Variants in PPP6C observed in about 807,000 individuals in gnomAD.
PPP6C encodes protein phosphatase 6 catalytic subunit.
PPP6C carries 11 observed loss-of-function variants against 39.8 expected under a neutral mutation model. The observed-to-expected ratio is 0.28, with a 90% CI of 0.17 to 0.46. PPP6C has a LOEUF of 0.46. Among genes scored for constraint, PPP6C ranks in the 20% least tolerant of loss-of-function variants. The pLI, the probability that PPP6C is intolerant of heterozygous loss-of-function variation, is 1.00. For missense variants in PPP6C, 211 were observed against 373.9 expected, an observed-to-expected ratio of 0.56 and a Z score of 3.59; for synonymous variants, 129 against 130.3, an observed-to-expected ratio of 0.99 and a Z score of 0.07.
intron 3 of PPP6C, among the ~76,000 whole-genome samples, chr9:125,159,049 T>G (rs1436683834): frequency 1.3e-5 from 2 of 150,298 alleles, no homozygotes; most frequent in African/African-American, 4.9e-5. Context: ...TTTTTTTTTT[T>G]TTTTTTTAGA....
chr9:125,173,668 A>C (rs1829229103), intron 1 of PPP6C, among the ~76,000 whole-genome samples: 1 of 151,948 alleles, frequency 6.6e-6, no homozygotes, highest in East Asian at 2.0e-4. Flanking sequence ...GCCAGGCTGG[A>C]GTGCAGTGGC....
intron 6 of PPP6C, among the ~76,000 whole-genome samples, chr9:125,152,552 T>C (rs1264319677): frequency 2.0e-5 from 3 of 152,174 alleles, no homozygotes; most frequent in African/African-American, 7.2e-5. Context: ...TGACGTAGGC[T>C]GGGCGCGGTG....
intron 4 of PPP6C, among the ~76,000 whole-genome samples, chr9:125,156,350 T>C (rs1414813545): frequency 6.6e-6 from 1 of 152,200 alleles, no homozygotes; most frequent in East Asian, 1.9e-4. Flanking sequence ...CTCGGCTCAC[T>C]GCAACCTCCA....
rs1835842834 is a variant in PPP6C, at chr9:125,147,658, TTAAAAA to T, written c.*2009_*2014del. Reference sequence around the variant, plus strand: ...ACAAACAAATGCAGTACACAATGACTTAAAAATAAAAGTCACATTATAGGGATAACA... The same window carrying T: ...ACAAACAAATGCAGTACACAATGACTTAAAAGTCACATTATAGGGATAACA... On this transcript the variant is annotated 3_prime_UTR_variant, in exon 7 of 7. Transcript: ENST00000373547. The T allele has an allele frequency of 6.6e-6, 1 of 152,080 alleles. No homozygotes were observed. Among genetic ancestry groups the T allele is most frequent in the Admixed American group, 6.6e-5 (1 of 15,260 alleles). The allele number at this position is 152,080 out of a possible 1,614,324, so 9.4% of individuals were successfully genotyped here.
chr9:125,175,799 A>G (rs756463743), intron 1 of PPP6C, among the ~76,000 whole-genome samples: 116 of 152,306 alleles, frequency 7.6e-4, no homozygotes, highest in Non-Finnish European at 4.0e-4. Flanking sequence ...AATGCAACAA[A>G]TATTTATGGA....
chr9:125,167,752 C>T (rs1435085031), intron 2 of PPP6C, among the ~76,000 whole-genome samples: 3 of 145,210 alleles, frequency 2.1e-5, no homozygotes, highest in South Asian at 2.2e-4. Context: ...TCAGGCCGGA[C>T]GCAGTGGCTC....
chr9:125,155,777 C>A (rs575227559), intron 4 of PPP6C, among the ~76,000 whole-genome samples: 53 of 151,834 alleles, frequency 3.5e-4, no homozygotes, highest in African/African-American at 1.1e-3. Flanking sequence ...TGGTGGCGGG[C>A]GCCTGTAGTC....
chr9:125,149,968 T>G (rs755068929), intron 6 of PPP6C, 47 bp from the exon 7 acceptor site: 1 of 1,582,554 alleles, frequency 6.3e-7, no homozygotes, highest in Non-Finnish European at 8.6e-7. Flanking sequence ...TAAAAAACAA[T>G]CGGCCTACAT....
intron 1 of PPP6C, among the ~76,000 whole-genome samples, chr9:125,186,938 CTT>C (rs1168730026): frequency 0.013 from 1,061 of 83,636 alleles, 25 homozygotes; most frequent in East Asian, 0.09. Context: ...ATTTTTCTTT[CTT>C]TTTTTTTTTT....
In PPP6C at chr9:125,153,713, A is replaced by G; in HGVS notation, c.489T>C (p.His163=). The part of the protein sequence containing the change: ...ALIDEQILCV[H]GGLSPDIKTL... ...TTTTGATATCAGGAGATAAACCACCATGGACACACAAAATCTGCTCATCTA... is the reference window on the plus strand; with the variant it reads ...TTTTGATATCAGGAGATAAACCACCGTGGACACACAAAATCTGCTCATCTA... The change falls in exon 6 of 7, where the codon CAT becomes CAC. Residue 163 remains histidine, a synonymous_variant. Transcript: ENST00000373547. 1.2e-6 allele frequency: 2 copies of G among 1,614,028 alleles called. No individual in the cohort carries two copies.
At chr9:125,157,559 A>G (rs1836110917) in intron 4 of PPP6C, among the ~76,000 whole-genome samples, 1 of 152,212 alleles carries the variant, frequency 6.6e-6, no homozygotes, top group Admixed American at 6.5e-5. Context: ...AAACACACAC[A>G]CACACATACA....
In PPP6C at chr9:125,171,494, T is replaced by C. The variant is rs557225611; in HGVS notation, c.76-314A>G. Reference sequence around the variant, plus strand: ...ACACACACACATATATATATATATATATATATATATATATATATATATGAA... The same window carrying C: ...ACACACACACATATATATATATATACATATATATATATATATATATATGAA... On this transcript the variant is annotated intron_variant, in intron 1 of 6. Coordinates refer to ENST00000373547, the MANE Select transcript of PPP6C (RefSeq NM_002721.5). 2.5e-3 allele frequency among the ~76,000 whole-genome samples: 244 copies of C among 98,760 alleles called. 3 individuals are homozygous for C. In the Middle Eastern group the frequency reaches 0.045, roughly 18 times the overall value. 64.8% of individuals were successfully genotyped at this position (98,760 alleles called of 152,430 possible). A position where few individuals can be genotyped will look rare whatever the true frequency, so the allele number is the denominator to read the frequency against.
At chr9:125,165,827 C>T (rs1416353753) in intron 2 of PPP6C, among the ~76,000 whole-genome samples, 2 of 120,982 alleles carry the variant, frequency 1.7e-5, no homozygotes, top group Middle Eastern at 5.7e-3. Flanking sequence ...GACAGGATCT[C>T]TCCCTGTTGT....
chr9:125,157,902 G>A (rs948858764), intron 4 of PPP6C, among the ~76,000 whole-genome samples: 5 of 151,868 alleles, frequency 3.3e-5, no homozygotes, highest in African/African-American at 1.2e-4. Context: ...TATTGGTCAG[G>A]ATGGTCTCGA....
chr9:125,188,900 G>A, intron 1 of PPP6C: 2 of 1,544,668 alleles, frequency 1.3e-6, no homozygotes, highest in Non-Finnish European at 1.8e-6. Flanking sequence ...CTTGGACTCA[G>A]GAGTAACAAG....
At chr9:125,181,382 C>T (rs1041488873) in intron 1 of PPP6C, among the ~76,000 whole-genome samples, 5 of 151,980 alleles carry the variant, frequency 3.3e-5, no homozygotes, top group East Asian at 3.8e-4. Context: ...ATGTGCAGAA[C>T]GTGCAGGTTT....
chr9:125,182,612 C>A (rs1829441270), intron 1 of PPP6C, among the ~76,000 whole-genome samples: 1 of 151,912 alleles, frequency 6.6e-6, no homozygotes, highest in African/African-American at 2.4e-5. Context: ...ATGATATTCA[C>A]ACGCTTATGA....
At chr9:125,188,978 T>A in intron 1 of PPP6C, 1 of 1,513,218 alleles carries the variant, frequency 6.6e-7, no homozygotes, top group Non-Finnish European at 9.0e-7. Flanking sequence ...GGAGAAAGTA[T>A]TTGTATTTAT....
At chr9:125,163,493 C>G (rs144093380) in intron 2 of PPP6C, among the ~76,000 whole-genome samples, 17 of 152,128 alleles carry the variant, frequency 1.1e-4, no homozygotes, top group Admixed American at 1.1e-3. Context: ...TGCAATGGTG[C>G]GATCTCGGCT....
Sources: gnomAD v4.1 joint callset for allele counts (sites outside exome capture counted in the v4.1 genomes callset) on GRCh38, gnomAD v4.1.1 for gene constraint, MANE v1.5 for transcripts, NCBI Gene and HGNC (gene_info 2026-07-23, HGNC 2026-07-21) for gene names.